PDE9A: variants seen among roughly 807,000 people sequenced by gnomAD.
PDE9A encodes the protein high affinity cGMP-specific 3',5'-cyclic phosphodiesterase 9A.
Under a neutral mutation model 87.4 loss-of-function variants are expected in PDE9A, and 60 were observed. The observed-to-expected ratio is 0.69, with a 90% CI of 0.56 to 0.85. PDE9A has a LOEUF of 0.85. Among genes scored for constraint, PDE9A ranks in the 40% least tolerant of loss-of-function variants. The pLI is 0.00. For missense variants in PDE9A, 665 were observed against 779.0 expected (o/e 0.85, Z 1.74); for synonymous variants, 272 against 279.4 (o/e 0.97, Z 0.27).
chr21:42,748,729 CT>C (rs944395002), intron 8 of PDE9A, among the ~76,000 whole-genome samples: 4 of 151,146 alleles, frequency 2.6e-5, no homozygotes, highest in African/African-American at 9.7e-5. Context: ...GTTGTGTAGT[CT>C]TTTTTTTTAC....
chr21:42,764,318 C>T (rs763031635), intron 14 of PDE9A, among the ~76,000 whole-genome samples: 24 of 152,352 alleles, frequency 1.6e-4, no homozygotes, highest in South Asian at 4.1e-4. Context: ...TCTCTGGCCT[C>T]TCCTCCATGT....
chr21:42,750,520 T>C (rs1035755984), intron 8 of PDE9A, among the ~76,000 whole-genome samples: 11 of 117,584 alleles, frequency 9.4e-5, no homozygotes, highest in Admixed American at 2.5e-4. Context: ...ATGTTTTTCT[T>C]TTGAAAACAG....
intron 1 of PDE9A, among the ~76,000 whole-genome samples, chr21:42,661,945 A>C (rs1204783706): frequency 7.9e-5 from 12 of 152,086 alleles, no homozygotes; most frequent in Non-Finnish European, 1.0e-4. Context: ...CCTGGTGGAG[A>C]GCGCAGATGG....
chr21:42,755,183 C>T (rs562949708), intron 10 of PDE9A, among the ~76,000 whole-genome samples: 105 of 152,254 alleles, frequency 6.9e-4, no homozygotes, highest in Non-Finnish European at 1.4e-3. Flanking sequence ...CAAGGCTCCT[C>T]AGCAAGCTCA....
intron 1 of PDE9A, among the ~76,000 whole-genome samples, chr21:42,665,133 G>A (rs1252936311): frequency 3.3e-5 from 5 of 152,224 alleles, no homozygotes; most frequent in Non-Finnish European, 2.9e-5. Context: ...TGTAAAGACA[G>A]ACTCAGAGAC....
At chr21:42,770,084 G>A (rs968316748) in intron 17 of PDE9A, among the ~76,000 whole-genome samples, 1 of 151,970 alleles carries the variant, frequency 6.6e-6, no homozygotes, top group Non-Finnish European at 1.5e-5. Flanking sequence ...GTGCCCTCGA[G>A]CTGTGAAGCC....
intron 1 of PDE9A, among the ~76,000 whole-genome samples, chr21:42,671,706 C>T (rs553093224): frequency 6.6e-6 from 1 of 152,118 alleles, no homozygotes; most frequent in Non-Finnish European, 1.5e-5. Context: ...CTTCAGTGAA[C>T]GCATATTTAT....
intron 4 of PDE9A, among the ~76,000 whole-genome samples, chr21:42,714,016 ATTTTTTTTT>A (rs11403559): frequency 2.2e-5 from 2 of 90,424 alleles, no homozygotes; most frequent in African/African-American, 9.2e-5. Flanking sequence ...TTTCATTCCA[ATTTTTTTTT>A]TTTTTTTTTT....
At chr21:42,746,433 C>T (rs2053856199) in intron 8 of PDE9A, among the ~76,000 whole-genome samples, 1 of 152,206 alleles carries the variant, frequency 6.6e-6, no homozygotes, top group Non-Finnish European at 1.5e-5. Flanking sequence ...CCCGGTCTCT[C>T]TTGGCCTCTG....
chr21:42,740,704 G>GTAGATAGATAGATAGA (rs58108928), intron 7 of PDE9A, among the ~76,000 whole-genome samples: 243 of 133,432 alleles, frequency 1.8e-3, no homozygotes, highest in South Asian at 2.6e-3. Flanking sequence ...TAGGTAGGTA[G>GTAGATAGATAGATAGA]TAGATAGATA....
chr21:42,775,406 G>T lies in PDE9A; in HGVS notation c.*113G>T. 1.3e-6 allele frequency: 1 copy of T among 751,630 alleles called. No homozygotes were observed. Among genetic ancestry groups the T allele is most frequent in the Non-Finnish European group, 2.1e-6 (1 of 484,624 alleles). 46.6% of individuals were successfully genotyped at this position (751,630 alleles called of 1,614,324 possible). ...GGCACCACAAGACCATGTTTTCTAA[G>T]AACCATTTTGTTCACTGATACAAAA... On this transcript the variant is annotated 3_prime_UTR_variant, in exon 20 of 20. Transcript: ENST00000291539.
rs188815694 is a variant in PDE9A, at chr21:42,683,708, G to A, written c.70-2484G>A. ...CCCAGTCCCAAGAGACTGCGATTCC[G>A]TAATCGCCCTCCCCTCGCCTTTTGA... On this transcript the variant is annotated intron_variant, in intron 1 of 19. Transcript: ENST00000291539. Among the ~76,000 whole-genome samples the A allele has an allele frequency of 1.3e-4, 20 of 152,300 alleles. No homozygotes were observed. In the East Asian group the frequency reaches 3.5e-3, roughly 26 times the overall value.
chr21:42,682,164 C>T (rs1363418626), intron 1 of PDE9A, among the ~76,000 whole-genome samples: 3 of 152,228 alleles, frequency 2.0e-5, no homozygotes, highest in African/African-American at 7.2e-5. Context: ...GTGTGTCAAA[C>T]ATTTTTACTG....
intron 7 of PDE9A, among the ~76,000 whole-genome samples, chr21:42,738,894 CTGGA>C: frequency 6.6e-6 from 1 of 152,280 alleles, no homozygotes; most frequent in African/African-American, 2.4e-5. Flanking sequence ...ATTATGTTGG[CTGGA>C]CAAGCTGGTC....
chr21:42,749,987 A>T (rs2146969931), intron 8 of PDE9A, among the ~76,000 whole-genome samples: 1 of 152,100 alleles, frequency 6.6e-6, no homozygotes, highest in African/African-American at 2.4e-5. Flanking sequence ...AAAGTACAAA[A>T]ATTAGTCAGG....
In PDE9A at chr21:42,688,007, G is replaced by A. The variant is rs367656448; in HGVS notation, c.218+13G>A. 2.9e-5 allele frequency: 46 copies of A among 1,608,352 alleles called. No homozygotes were observed. The highest frequency in any genetic ancestry group is 5.0e-5 in the Admixed American group (3 of 59,980). ...CGAATTCAGAACGGTAAGAGGCTCC[G>A]GCCGCGCTCCTCGGGGTGTGCCTGG... On this transcript the variant is annotated intron_variant, in intron 3 of 19. Coordinates refer to ENST00000291539, the MANE Select transcript of PDE9A (RefSeq NM_002606.3).
Position 42,726,624 on chromosome 21 carries a change from A to ATATATATTTTTTTTTTTTTT in PDE9A, c.263-5145_263-5144insATATATTTTTTTTTTTTTTT. ...TATATATATATATATATATATATAT[A>ATATATATTTTTTTTTTTTTT]TTTTTTTTTTTTTTTTTGTAGAGAT... On this transcript the variant is annotated intron_variant, in intron 4 of 19. Coordinates refer to ENST00000291539, the MANE Select transcript of PDE9A (RefSeq NM_002606.3). Among the ~76,000 whole-genome samples, 17 of 19,770 alleles carry ATATATATTTTTTTTTTTTTT rather than the reference A, an allele frequency of 8.6e-4. 1 individual carries two copies. The highest frequency in any genetic ancestry group is 5.5e-3 in the African/African-American group (16 of 2,932). 13.0% of individuals were successfully genotyped at this position (19,770 alleles called of 152,430 possible).
chr21:42,742,002 GT>G (rs1201663338), intron 7 of PDE9A, among the ~76,000 whole-genome samples: 1 of 152,082 alleles, frequency 6.6e-6, no homozygotes, highest in African/African-American at 2.4e-5. Flanking sequence ...ATTTCAATTG[GT>G]TTATGAACCA....
At chr21:42,678,023 T>G (rs2058949354) in intron 1 of PDE9A, among the ~76,000 whole-genome samples, 1 of 152,250 alleles carries the variant, frequency 6.6e-6, no homozygotes. Context: ...CAATTTCCAG[T>G]GGTCATTGGC....
Sources: gnomAD v4.1 joint callset for allele counts (sites outside exome capture counted in the v4.1 genomes callset) on GRCh38, gnomAD v4.1.1 for gene constraint, MANE v1.5 for transcripts, NCBI Gene and HGNC (gene_info 2026-07-23, HGNC 2026-07-21) for gene names.